The following CSF2RA variants were observed in gnomAD, a reference collection of about 807,000 sequenced individuals.
CSF2RA encodes granulocyte-macrophage colony-stimulating factor receptor subunit alpha.
A neutral mutation model predicts 51.6 loss-of-function variants in CSF2RA; 42 were observed. That is an observed-to-expected ratio of 0.81 (90% CI 0.64 to 1.05). The LOEUF is 1.05. CSF2RA is among the 50% of genes least tolerant of loss of function. CSF2RA has a pLI of 0.00. For missense variants in CSF2RA, 530 were observed against 501.1 expected (o/e 1.06, Z -0.55); for synonymous variants, 222 against 193.0 (o/e 1.15, Z -1.24).
the CSF2RA span, among the ~76,000 whole-genome samples, chrX:1,322,957 A>G: frequency 0.01 from 1,512 of 148,702 alleles, 23 homozygotes; most frequent in African/African-American, 0.036. Context: ...GTGAAACCTC[A>G]TCTCTACTAA....
At chrX:1,317,246 C>CTTTTTTTATTTTTTTT in the CSF2RA span, among the ~76,000 whole-genome samples, 1 of 57,828 alleles carries the variant, frequency 1.7e-5, no homozygotes, top group Non-Finnish European at 2.9e-5. Flanking sequence ...CCACGCTCAG[C>CTTTTTTTATTTTTTTT]TTTTTTTTTT....
At position 1,304,131 on chromosome X, in the gene CSF2RA, G is replaced by A. The variant is rs1458293104; in HGVS notation, c.1043+112G>A. On this transcript the variant is annotated intron_variant, in intron 11 of 12. Transcript: ENST00000381529. The stretch of plus-strand genomic sequence containing the variant: ...GAGAAAGAGAAACACAGCCTTGGCC[G>A]GGCGTGTTGGCTCATGCCTGTAATC... 57 of 1,016,204 alleles carry A rather than the reference G, an allele frequency of 5.6e-5. 1 individual carries two copies. In the Middle Eastern group the frequency reaches 1.6e-3, roughly 28 times the overall value. 62.9% of individuals were successfully genotyped at this position (1,016,204 alleles called of 1,614,324 possible). A position where few individuals can be genotyped will look rare whatever the true frequency, so the allele number is the denominator to read the frequency against.
At chrX:1,295,806 A>G (rs2091887303) in intron 9 of CSF2RA, among the ~76,000 whole-genome samples, 1 of 146,122 alleles carries the variant, frequency 6.8e-6, no homozygotes, top group South Asian at 2.2e-4. Flanking sequence ...GTAGACAGGA[A>G]GAGACCCTGC....
At chrX:1,287,641 A>G (rs1337524948) in intron 4 of CSF2RA, among the ~76,000 whole-genome samples, 2 of 139,470 alleles carry the variant, frequency 1.4e-5, no homozygotes, top group Non-Finnish European at 3.1e-5. Flanking sequence ...ACGGGGTTTC[A>G]CCATGTTGGC....
chrX:1,268,814 A>G lies in CSF2RA; in HGVS notation c.-156A>G, dbSNP rs1266314021. 2 of 453,996 alleles carry G rather than the reference A, an allele frequency of 4.4e-6. No homozygotes were observed. The allele number at this position is 453,996 out of a possible 1,614,324, so 28.1% of individuals were successfully genotyped here. A position where few individuals can be genotyped will look rare whatever the true frequency, so the allele number is the denominator to read the frequency against. ...ACACAGAGGAACTCTGAAGGGAGCT[A>G]CTCAGAAGCGGGAGTCTCCGAGAGA... On this transcript the variant is annotated 5_prime_UTR_variant, in exon 1 of 13. Transcript: ENST00000381529.
rs772324282 is a variant in CSF2RA, at chrX:1,294,360, C to A, written c.679C>A (p.Arg227Ser). Reference sequence around the variant, plus strand: ...CAACCCTCCCAGCAATGTCACCGTACGTTGCAACACGACGCACTGCCTCGT... The same window carrying A: ...CAACCCTCCCAGCAATGTCACCGTAAGTTGCAACACGACGCACTGCCTCGT... ...RFNPPSNVTV[R>S]CNTTHCLVRW... Residue 227 changes from arginine (R) to serine (S), a missense_variant, in exon 8 of 13, where the codon CGT (arginine) becomes AGT (serine). Coordinates refer to ENST00000381529, the MANE Select transcript of CSF2RA (RefSeq NM_172245.4). The A allele has an allele frequency of 2.5e-6, 4 of 1,613,706 alleles. No homozygotes were observed. The Admixed American group carries it at 5.0e-5, about 20-fold the overall frequency.
At chrX:1,273,765 GTATTT>G (rs1279375422) in intron 1 of CSF2RA, among the ~76,000 whole-genome samples, 1 of 25,872 alleles carries the variant, frequency 3.9e-5, no homozygotes, top group Non-Finnish European at 7.9e-5. Context: ...TTTTTTTTTT[GTATTT>G]TTTTTTTTTA....
the CSF2RA span, among the ~76,000 whole-genome samples, chrX:1,322,192 A>G: frequency 3.3e-3 from 503 of 150,312 alleles, 1 homozygote; most frequent in African/African-American, 0.012. Flanking sequence ...CGCAACCTCC[A>G]CCTCCCAGGT....
chrX:1,314,357 C>A (rs112626186), downstream of CSF2RA, among the ~76,000 whole-genome samples: 644 of 43,734 alleles, frequency 0.015, no homozygotes, highest in East Asian at 0.073. Flanking sequence ...CTGCCCAACC[C>A]CACTGCATCT....
At chrX:1,276,133 T>C (rs1479534518) in intron 2 of CSF2RA, among the ~76,000 whole-genome samples, 1 of 152,066 alleles carries the variant, frequency 6.6e-6, no homozygotes, top group Non-Finnish European at 1.5e-5. Flanking sequence ...CCCAAGTAGC[T>C]GGCATTACAG....
chrX:1,311,613 T>C (rs1475196088), downstream of CSF2RA, among the ~76,000 whole-genome samples: 1 of 152,038 alleles, frequency 6.6e-6, no homozygotes, highest in Non-Finnish European at 1.5e-5. Context: ...TTTTTTGTTT[T>C]GTTTTGTGTT....
the CSF2RA span, among the ~76,000 whole-genome samples, chrX:1,318,555 C>T: frequency 6.6e-5 from 10 of 152,002 alleles, no homozygotes; most frequent in African/African-American, 2.2e-4. Flanking sequence ...CCCCCTGAGC[C>T]GCCGATAGCC....
intron 3 of CSF2RA, 91 bp downstream of exon 3, chrX:1,282,870 C>A: frequency 9.3e-7 from 1 of 1,078,172 alleles, no homozygotes; most frequent in Non-Finnish European, 1.4e-6. Flanking sequence ...GGTCCATCTG[C>A]ATTTCATCTC....
intron 9 of CSF2RA, chrX:1,300,251 C>G (rs2092281172): frequency 2.0e-6 from 1 of 499,372 alleles, no homozygotes; most frequent in East Asian, 3.4e-5. Context: ...AATAAAAAAG[C>G]TTAAAGCCTA....
intron 7 of CSF2RA, among the ~76,000 whole-genome samples, 170 bp downstream of exon 7, chrX:1,290,679 A>G (rs2091316150): frequency 6.6e-6 from 1 of 152,086 alleles, no homozygotes; most frequent in East Asian, 1.9e-4. Context: ...AGCCTGACCA[A>G]CATGGGGAAA....
rs765723125 is a variant in CSF2RA, at chrX:1,274,828, T to G, written c.-27+10T>G. 2 of 453,562 alleles carry G rather than the reference T, an allele frequency of 4.4e-6. No individual in the cohort carries two copies. The highest frequency in any genetic ancestry group is 3.1e-5 in the South Asian group (2 of 64,440). 28.1% of individuals were successfully genotyped at this position (453,562 alleles called of 1,614,324 possible). A position where few individuals can be genotyped will look rare whatever the true frequency, so the allele number is the denominator to read the frequency against. On this transcript the variant is annotated intron_variant, in intron 2 of 12. Transcript: ENST00000381529. ...GTTTGCGTAGAACCCTGTACGTGCT[T>G]CCTTCGGCCTGTCGGTAATGTGGTT...
chrX:1,321,756 C>T, the CSF2RA span, among the ~76,000 whole-genome samples: 5 of 152,148 alleles, frequency 3.3e-5, no homozygotes, highest in South Asian at 2.1e-4. Context: ...GCTTCTTCAG[C>T]GTAGCTGAGA....
the CSF2RA span, among the ~76,000 whole-genome samples, chrX:1,322,645 C>A: frequency 1.3e-5 from 2 of 151,598 alleles, no homozygotes; most frequent in African/African-American, 4.8e-5. Flanking sequence ...CTCCTGAACG[C>A]CCCTGGCTCA....
intron 10 of CSF2RA, among the ~76,000 whole-genome samples, chrX:1,301,802 C>A (rs762756054): frequency 1.9e-4 from 28 of 149,494 alleles, no homozygotes; most frequent in Admixed American, 8.8e-4. Flanking sequence ...GACAGGGTTT[C>A]ACTGTTTTTT....
Sources: allele counts gnomAD v4.1 joint callset (sites outside exome capture counted in the v4.1 genomes callset), GRCh38; gene constraint gnomAD v4.1.1; transcripts MANE v1.5; gene names NCBI Gene and HGNC (gene_info 2026-07-23, HGNC 2026-07-21).